Variants in ACBD6 observed in about 807,000 individuals in gnomAD.
ACBD6 encodes acyl-CoA-binding domain-containing protein 6.
Under a neutral mutation model 37.2 loss-of-function variants are expected in ACBD6, and 28 were observed. The observed-to-expected ratio is 0.75, with a 90% CI of 0.56 to 1.03. The LOEUF is 1.03. Among genes scored for constraint, ACBD6 ranks in the 50% least tolerant of loss-of-function variants. The pLI, the probability that ACBD6 is intolerant of heterozygous loss-of-function variation, is 0.00. For missense variants in ACBD6, 340 were observed against 337.4 expected (o/e 1.01, Z -0.06); for synonymous variants, 113 against 126.8 (o/e 0.89, Z 0.73).
intron 6 of ACBD6, among the ~76,000 whole-genome samples, chr1:180,357,305 T>C (rs997406689): frequency 9.2e-5 from 14 of 152,166 alleles, no homozygotes; most frequent in South Asian, 2.1e-4. Flanking sequence ...CCCCAAATGA[T>C]AGCATGCCAA....
At chr1:180,310,874 A>G (rs1249199211) in intron 7 of ACBD6, among the ~76,000 whole-genome samples, 3 of 152,222 alleles carry the variant, frequency 2.0e-5, no homozygotes, top group Non-Finnish European at 4.4e-5. Context: ...AGTTGTATCT[A>G]AATGTTTTAA....
intron 3 of ACBD6, among the ~76,000 whole-genome samples, chr1:180,478,129 A>C (rs1350935045): frequency 6.6e-6 from 1 of 152,090 alleles, no homozygotes; most frequent in Non-Finnish European, 1.5e-5. Flanking sequence ...TTTTAATTCT[A>C]ATCTATTATC....
chr1:180,396,758 C>G (rs183985246), intron 6 of ACBD6, among the ~76,000 whole-genome samples: 1 of 152,038 alleles, frequency 6.6e-6, no homozygotes, highest in Non-Finnish European at 1.5e-5. Flanking sequence ...TCACTTCATA[C>G]CCACTAAAAT....
chr1:180,435,812 A>G (rs1649014595), intron 3 of ACBD6: 5 of 974,042 alleles, frequency 5.1e-6, no homozygotes, highest in Admixed American at 5.1e-5. Flanking sequence ...GAATAACTCC[A>G]GCCTGATGGG....
chr1:180,433,885 T>C (rs1379424074), intron 3 of ACBD6, among the ~76,000 whole-genome samples: 2 of 151,818 alleles, frequency 1.3e-5, no homozygotes, highest in Admixed American at 1.3e-4. Context: ...AATACTGACA[T>C]CATGAAACCC....
intron 3 of ACBD6, among the ~76,000 whole-genome samples, chr1:180,487,175 T>G (rs759380390): frequency 6.6e-6 from 1 of 152,120 alleles, no homozygotes; most frequent in Non-Finnish European, 1.5e-5. Context: ...AATGATAAAT[T>G]TGAATATGGA....
chr1:180,467,854 A>C (rs1266732178), intron 3 of ACBD6, among the ~76,000 whole-genome samples: 1 of 152,176 alleles, frequency 6.6e-6, no homozygotes, highest in East Asian at 1.9e-4. Flanking sequence ...TCAGTAAAGC[A>C]AACAATGCTA....
intron 3 of ACBD6, among the ~76,000 whole-genome samples, chr1:180,491,512 T>C (rs1407133558): frequency 2.0e-5 from 3 of 152,218 alleles, no homozygotes; most frequent in Admixed American, 6.5e-5. Flanking sequence ...ATTATTGTTT[T>C]ATACTATTAA....
intron 9 of ACBD6, chr1:180,277,749 A>G (rs1203066067): frequency 2.0e-5 from 3 of 152,164 alleles, no homozygotes; most frequent in African/African-American, 4.8e-5. Flanking sequence ...AGTTATGAAT[A>G]TAACGTAAAA....
chr1:180,333,586 G>A (rs1293310676), intron 6 of ACBD6, among the ~76,000 whole-genome samples: 2 of 152,332 alleles, frequency 1.3e-5, no homozygotes, highest in East Asian at 3.9e-4. Context: ...CTCCCAGTGT[G>A]AGCGACGCAG....
At chr1:180,291,563 T>TTC (rs1338647139) in intron 7 of ACBD6, among the ~76,000 whole-genome samples, 2 of 152,224 alleles carry the variant, frequency 1.3e-5, no homozygotes, top group African/African-American at 4.8e-5. Context: ...GGTTGTCATT[T>TTC]TCTTATAAGA....
At chr1:180,467,448 C>CAAAAAAAA (rs57941230) in intron 3 of ACBD6, among the ~76,000 whole-genome samples, 9 of 72,538 alleles carry the variant, frequency 1.2e-4, no homozygotes, top group Non-Finnish European at 1.7e-4. Context: ...TCCATCTCTG[C>CAAAAAAAA]AAAAAAAAAA....
chr1:180,443,435 A>T (rs1177954736), intron 3 of ACBD6, among the ~76,000 whole-genome samples: 1 of 151,900 alleles, frequency 6.6e-6, no homozygotes. Context: ...AGCCAAAGGG[A>T]CCCCTCTGCA....
chr1:180,469,290 C>CTTTG (rs1427536364), intron 3 of ACBD6, among the ~76,000 whole-genome samples: 1 of 152,148 alleles, frequency 6.6e-6, no homozygotes. Context: ...CAAAGTCCAA[C>CTTTG]AAACATTGGT....
chr1:180,430,720 G>T (rs1571501077), intron 3 of ACBD6, among the ~76,000 whole-genome samples: 1 of 139,066 alleles, frequency 7.2e-6, no homozygotes, highest in Non-Finnish European at 1.6e-5. Flanking sequence ...AAAAAAAAAA[G>T]GAAGGAGAAA....
intron 9 of ACBD6, among the ~76,000 whole-genome samples, chr1:180,280,688 TAC>T (rs1164533401): frequency 6.6e-6 from 1 of 152,218 alleles, no homozygotes; most frequent in Non-Finnish European, 1.5e-5. Context: ...CTGGGTTATA[TAC>T]CAAGGAAGGG....
chr1:180,429,903 AATT>A (rs1268519319), intron 4 of ACBD6, among the ~76,000 whole-genome samples: 1 of 152,172 alleles, frequency 6.6e-6, no homozygotes, highest in Admixed American at 6.5e-5. Context: ...AATGAAAAGT[AATT>A]ATTATCACTT....
chr1:180,345,245 G>A (rs1652135048), intron 6 of ACBD6, among the ~76,000 whole-genome samples: 1 of 152,120 alleles, frequency 6.6e-6, no homozygotes, highest in Non-Finnish European at 1.5e-5. Flanking sequence ...ATCCCTTGAT[G>A]GTGAATGACC....
chr1:180,370,031 A>G (rs912189004), intron 6 of ACBD6, among the ~76,000 whole-genome samples: 1 of 152,220 alleles, frequency 6.6e-6, no homozygotes, highest in African/African-American at 2.4e-5. Flanking sequence ...TTCTACTCTA[A>G]GTATTCTTAG....
Sources: allele counts gnomAD v4.1 joint callset (sites outside exome capture counted in the v4.1 genomes callset), GRCh38; gene constraint gnomAD v4.1.1; transcripts MANE v1.5; gene names NCBI Gene and HGNC (gene_info 2026-07-23, HGNC 2026-07-21).